The following HK1 variants were observed in gnomAD, a reference collection of about 807,000 sequenced individuals.
HK1 encodes the protein hexokinase-1.
In HK1, 28 loss-of-function variants were observed where a neutral mutation model predicts 91.6. That is an observed-to-expected ratio of 0.31 (90% CI 0.23 to 0.42). The LOEUF (loss-of-function observed/expected upper bound fraction) is 0.42. Among genes scored for constraint, HK1 ranks in the 10% least tolerant of loss-of-function variants. The pLI is 1.00. For synonymous variants in HK1, 430 were observed against 468.1 expected, an observed-to-expected ratio of 0.92 and a Z score of 1.05; for missense variants, 770 against 1,219.8, an observed-to-expected ratio of 0.63 and a Z score of 5.49.
At chr10:69,288,374 T>C (rs1394671748) in intron 2 of HK1, among the ~76,000 whole-genome samples, 1 of 152,062 alleles carries the variant, frequency 6.6e-6, no homozygotes, top group Non-Finnish European at 1.5e-5. Context: ...TTTAGGAGGC[T>C]GAAGTGGGAG....
chr10:69,300,559 T>C (rs1845809479), intron 4 of HK1: 1 of 698,872 alleles, frequency 1.4e-6, no homozygotes. Flanking sequence ...ATTCTGCATT[T>C]CTCTAGATCT....
At chr10:69,359,141 A>G (rs1444588511) in intron 2 of HK1, among the ~76,000 whole-genome samples, 1 of 152,214 alleles carries the variant, frequency 6.6e-6, no homozygotes, top group Non-Finnish European at 1.5e-5. Flanking sequence ...CAAAAGGACA[A>G]ATAACTGTGT....
chr10:69,295,297 G>A (rs890675220), intron 3 of HK1, among the ~76,000 whole-genome samples: 1 of 152,152 alleles, frequency 6.6e-6, no homozygotes, highest in Non-Finnish European at 1.5e-5. Context: ...ATTACTGACC[G>A]GCACATCTGT....
chr10:69,343,033 T>G (rs927570099), intron 1 of HK1, among the ~76,000 whole-genome samples: 14 of 152,054 alleles, frequency 9.2e-5, no homozygotes, highest in African/African-American at 3.1e-4. Context: ...TGGGAGTAGT[T>G]TGACTCGGAG....
Position 69,276,118 on chromosome 10 carries a change from A to AAAAT in HK1, c.-391+6011_-391+6012insAATA. Among the ~76,000 whole-genome samples, 144 of 38,268 alleles carry AAAAT rather than the reference A, an allele frequency of 3.8e-3. 12 individuals carry two copies. The highest frequency in any genetic ancestry group is 5.1e-3 in the African/African-American group (68 of 13,316). 25.1% of individuals were successfully genotyped at this position (38,268 alleles called of 152,430 possible). The stretch of plus-strand genomic sequence containing the variant: ...AAAAAAAAAAAAAAAAAAAAAAAAA[A>AAAAT]ATACATATATATATATATATACACA... On this transcript the variant is annotated intron_variant, in intron 1 of 21. Transcript: ENST00000360289.
intron 1 of HK1, among the ~76,000 whole-genome samples, chr10:69,322,890 CA>C (rs36022169): frequency 0.021 from 2,371 of 114,308 alleles, 56 homozygotes; most frequent in African/African-American, 0.067. Flanking sequence ...AACTCCGTCT[CA>C]AAAAAAAAAA....
In HK1 at chr10:69,394,937, C is replaced by T. The variant is rs1840069839; in HGVS notation, c.2220-13C>T. ...CTTCCCATAGACACCCCAGGCCCCT[C>T]CTCCTGTCTCAGGTATGAGAAGATG... is the stretch of plus-strand genomic sequence containing the variant. On this transcript the variant is annotated splice_polypyrimidine_tract_variant and intron_variant, in intron 15 of 17. Coordinates refer to ENST00000359426, the MANE Select transcript of HK1 (RefSeq NM_000188.3). 1.2e-6 allele frequency: 2 copies of T among 1,614,044 alleles called. No individual in the cohort carries two copies. The highest frequency in any genetic ancestry group is 1.7e-6 in the Non-Finnish European group (2 of 1,179,974).
At chr10:69,338,311 A>AAG (rs1848103175) in intron 1 of HK1, 2 of 1,180,470 alleles carry the variant, frequency 1.7e-6, no homozygotes, top group Non-Finnish European at 2.1e-6. Flanking sequence ...GTTCTCAGGC[A>AAG]AGAGTCTGAG....
chr10:69,333,260 G>C (rs1396180691), intron 1 of HK1, among the ~76,000 whole-genome samples: 1 of 152,196 alleles, frequency 6.6e-6, no homozygotes, highest in Admixed American at 6.5e-5. Context: ...CACAGCATTG[G>C]GATTTGGTTG....
chr10:69,356,744 G>C (rs537024371), intron 2 of HK1, among the ~76,000 whole-genome samples: 2 of 152,040 alleles, frequency 1.3e-5, no homozygotes, highest in Admixed American at 1.3e-4. Flanking sequence ...TTAGCCAGGC[G>C]TGGTGGTGCA....
In HK1 at chr10:69,318,921, T is replaced by TGCC. The variant is rs1846833247; in HGVS notation, c.-23_-21dup. On this transcript the variant is annotated 5_prime_UTR_variant, in exon 1 of 18. Coordinates refer to ENST00000359426, the MANE Select transcript of HK1 (RefSeq NM_000188.3). Reference sequence around the variant, plus strand: ...GCGGAGGACCGACCGTCCCCACGCCTGCCGCCCCGCGACCCCGACCGCCAG... The same window carrying TGCC: ...GCGGAGGACCGACCGTCCCCACGCCTGCCGCCGCCCCGCGACCCCGACCGCCAG... 6.4e-7 allele frequency: 1 copy of TGCC among 1,570,256 alleles called. No homozygotes were observed. Among genetic ancestry groups the TGCC allele is most frequent in the African/African-American group, 1.4e-5 (1 of 73,398 alleles).
chr10:69,334,235 G>C (rs866087719), intron 1 of HK1, among the ~76,000 whole-genome samples: 1 of 152,174 alleles, frequency 6.6e-6, no homozygotes, highest in African/African-American at 2.4e-5. Context: ...AGAAGAGACC[G>C]GGCAAGGCTG....
At chr10:69,341,161 T>C (rs1474490969) in intron 1 of HK1, among the ~76,000 whole-genome samples, 1 of 151,892 alleles carries the variant, frequency 6.6e-6, no homozygotes, top group Non-Finnish European at 1.5e-5. Context: ...TACATATTTC[T>C]TTCTTTCTTT....
chr10:69,316,187 C>A (rs1191706701), upstream of HK1, among the ~76,000 whole-genome samples: 1 of 152,046 alleles, frequency 6.6e-6, no homozygotes, highest in East Asian at 1.9e-4. Context: ...TTGTTGCGGC[C>A]AGAGTGGAGG....
At chr10:69,389,440 G>T (rs987703089) in intron 14 of HK1, 144 bp downstream of exon 14, 7 of 679,994 alleles carry the variant, frequency 1.0e-5, no homozygotes, top group Non-Finnish European at 1.9e-5. Flanking sequence ...CCAGAGTTCA[G>T]GGCTGGACGA....
At chr10:69,365,350 G>T (rs1240555848) in intron 4 of HK1, among the ~76,000 whole-genome samples, 1 of 151,848 alleles carries the variant, frequency 6.6e-6, no homozygotes, top group East Asian at 1.9e-4. Context: ...TCCAGCCCCA[G>T]GGATGCCCTT....
At chr10:69,288,783 G>C (rs2132453911) in intron 3 of HK1, 1 of 1,611,756 alleles carries the variant, frequency 6.2e-7, no homozygotes, top group Non-Finnish European at 8.5e-7. Context: ...AAGCTCTGGT[G>C]TTTCTTTCTT....
chr10:69,339,081 C>G (rs75604065), intron 1 of HK1, among the ~76,000 whole-genome samples: 2,179 of 152,268 alleles, frequency 0.014, 51 homozygotes, highest in African/African-American at 0.05. Context: ...CTGGTCTGAA[C>G]GAGGAAGATG....
intron 3 of HK1, among the ~76,000 whole-genome samples, chr10:69,289,179 G>A (rs912994696): frequency 6.6e-5 from 10 of 152,172 alleles, no homozygotes; most frequent in Admixed American, 1.3e-4. Flanking sequence ...GGAAAACTCT[G>A]ACCAAGAGCA....
Sources: gnomAD v4.1 joint callset for allele counts (sites outside exome capture counted in the v4.1 genomes callset) on GRCh38, gnomAD v4.1.1 for gene constraint, MANE v1.5 for transcripts, NCBI Gene and HGNC (gene_info 2026-07-23, HGNC 2026-07-21) for gene names.